The following LRP2 variants were observed in gnomAD, a reference collection of about 807,000 sequenced individuals.
LRP2 encodes LDL receptor related protein 2.
LRP2 carries 172 observed loss-of-function variants against 531.0 expected under a neutral mutation model. The ratio of observed to expected loss-of-function variants is 0.32; its 90% CI spans 0.29 to 0.37. LRP2 has a LOEUF of 0.37. Among genes scored for constraint, LRP2 ranks in the 10% least tolerant of loss-of-function variants. The pLI is 1.00. For synonymous variants in LRP2, 1,992 were observed against 2,027.6 expected (o/e 0.98, Z 0.47); for missense variants, 5,167 against 5,868.3 (o/e 0.88, Z 3.90).
chr2:169,274,911 C>G (rs1404325829), intron 14 of LRP2, 125 bp downstream of exon 14: 1 of 896,752 alleles, frequency 1.1e-6, no homozygotes, highest in East Asian at 2.6e-5. Context: ...TCTGGGTAAC[C>G]CTTCATATAC....
chr2:169,191,679 CT>C (rs1687833625), intron 48 of LRP2, among the ~76,000 whole-genome samples, 152 bp downstream of exon 48: 1 of 151,238 alleles, frequency 6.6e-6, no homozygotes, highest in African/African-American at 2.4e-5. Flanking sequence ...TTTTTTTTCC[CT>C]TTGATTTGGA....
intron 36 of LRP2, among the ~76,000 whole-genome samples, chr2:169,212,790 G>C (rs1447589553): frequency 1.3e-5 from 2 of 151,746 alleles, no homozygotes; most frequent in African/African-American, 4.8e-5. Context: ...AGGGGGGCGA[G>C]GGATAAAAGA....
At chr2:169,134,228 A>C (rs568949935) in intron 76 of LRP2, among the ~76,000 whole-genome samples, 104 of 152,236 alleles carry the variant, frequency 6.8e-4, no homozygotes, top group African/African-American at 2.4e-3. Flanking sequence ...TAGAGGCCCT[A>C]AAAATCACAA....
At chr2:169,202,428 A>G (rs770411177) in intron 43 of LRP2, among the ~76,000 whole-genome samples, 33 of 152,178 alleles carry the variant, frequency 2.2e-4, no homozygotes, top group Non-Finnish European at 8.8e-5. Context: ...GGATTTTTAC[A>G]TATTGTTTCT....
At chr2:169,324,534 CA>C (rs1048673263) in intron 1 of LRP2, among the ~76,000 whole-genome samples, 130 of 146,232 alleles carry the variant, frequency 8.9e-4, no homozygotes, top group African/African-American at 3.2e-3. Context: ...GAAAGCAATG[CA>C]AAAAAAATTT....
intron 61 of LRP2, among the ~76,000 whole-genome samples, chr2:169,167,664 T>C (rs912437865): frequency 2.6e-5 from 4 of 152,216 alleles, no homozygotes; most frequent in Admixed American, 1.3e-4. Context: ...GTGCATCCCA[T>C]GAATTTGCAT....
Position 169,244,824 on chromosome 2 carries a change from T to C in LRP2, c.3299A>G (p.Asn1100Ser), listed in dbSNP as rs1477613569. 1.2e-6 allele frequency: 2 copies of C among 1,614,240 alleles called. No homozygotes were observed. Among genetic ancestry groups the C allele is most frequent in the South Asian group, 2.2e-5 (2 of 91,084 alleles). ...GGAAGCAGGTGCGTGGGTGGGGCAG[T>C]TGTGCTCATCACTGCCATCCACACA... ...NDCVDGSDEH[N>S]CPTHAPASCL... The change falls in exon 22 of 79, where the codon AAC becomes AGC. Residue 1100 changes from asparagine to serine, a missense_variant. Transcript: ENST00000649046.
chr2:169,345,269 A>G (rs763320878), intron 1 of LRP2, among the ~76,000 whole-genome samples: 5 of 152,170 alleles, frequency 3.3e-5, no homozygotes, highest in Non-Finnish European at 7.4e-5. Context: ...GTTTGGGGAA[A>G]TTTTGTTCTT....
At chr2:169,318,608 A>G (rs867614513) in intron 3 of LRP2, among the ~76,000 whole-genome samples, 154 bp downstream of exon 3, 42 of 152,104 alleles carry the variant, frequency 2.8e-4, no homozygotes, top group African/African-American at 9.4e-4. Flanking sequence ...ATATCATCCA[A>G]CCCCTGAATG....
intron 57 of LRP2, among the ~76,000 whole-genome samples, chr2:169,172,658 G>A (rs1011473487): frequency 6.6e-6 from 1 of 152,172 alleles, no homozygotes; most frequent in East Asian, 1.9e-4. Context: ...GAAAATCAGA[G>A]AGACATTCAG....
At chr2:169,149,483 C>T (rs1558979660) in intron 68 of LRP2, among the ~76,000 whole-genome samples, 1 of 152,142 alleles carries the variant, frequency 6.6e-6, no homozygotes, top group Non-Finnish European at 1.5e-5. Flanking sequence ...TTTCTTACTT[C>T]CTATCCCTCA....
chr2:169,191,617 A>G (rs1419416588), intron 48 of LRP2, among the ~76,000 whole-genome samples: 1 of 152,058 alleles, frequency 6.6e-6, no homozygotes, highest in East Asian at 1.9e-4. Context: ...ATATTGGTAT[A>G]AAGCCAGATA....
chr2:169,240,533 T>G (rs2105382585), intron 25 of LRP2, among the ~76,000 whole-genome samples: 1 of 152,342 alleles, frequency 6.6e-6, no homozygotes, highest in Non-Finnish European at 1.5e-5. Flanking sequence ...AGAGTGAGCA[T>G]TGATTAAAGA....
chr2:169,282,678 A>C (rs1366833796), intron 10 of LRP2, among the ~76,000 whole-genome samples, 195 bp downstream of exon 10: 1 of 152,204 alleles, frequency 6.6e-6, no homozygotes, highest in Non-Finnish European at 1.5e-5. Flanking sequence ...TAGTCGACAA[A>C]TTGGTCCTTA....
Position 169,246,958 on chromosome 2 carries a change from A to G in LRP2, c.2937T>C (p.His979=). 6.2e-7 allele frequency: 1 copy of G among 1,614,202 alleles called. No homozygotes were observed. The highest frequency in any genetic ancestry group is 8.5e-7 in the Non-Finnish European group (1 of 1,180,038). The stretch of plus-strand genomic sequence containing the variant: ...AGAAGTGGCTGCAGTCACCGTTAGG[A>G]TGCGTGGGTTGATTACAGGCGTTAG... ...TGSNACNQPT[H]PNGDCSHFCF... Residue 979 remains histidine, a synonymous_variant, in exon 21 of 79, where the codon CAT becomes CAC. Coordinates refer to ENST00000649046, the MANE Select transcript of LRP2 (RefSeq NM_004525.3).
At chr2:169,357,919 A>C (rs1169494236) in intron 1 of LRP2, among the ~76,000 whole-genome samples, 2 of 152,102 alleles carry the variant, frequency 1.3e-5, no homozygotes, top group Admixed American at 1.3e-4. Context: ...AAACCCAAAG[A>C]TCTTCAGGAA....
chr2:169,149,538 C>G (rs1156338784), intron 68 of LRP2, among the ~76,000 whole-genome samples: 1 of 152,094 alleles, frequency 6.6e-6, no homozygotes, highest in African/African-American at 2.4e-5. Flanking sequence ...ATTACAAAGA[C>G]TAAAATAAGA....
chr2:169,284,840 T>C (rs1683809599), intron 9 of LRP2, among the ~76,000 whole-genome samples: 2 of 152,080 alleles, frequency 1.3e-5, no homozygotes, highest in Non-Finnish European at 2.9e-5. Flanking sequence ...ACCCCCAGAA[T>C]GTCATAACTT....
rs147295930 is a variant in LRP2, at chr2:169,320,795, C to T, written c.169G>A (p.Ala57Thr). The stretch of plus-strand genomic sequence containing the variant: ...CACTTACCGCAGCCAATTTCATCCG[C>T]GTCATCTGAACAGTCTTTGGTCCCA... Reference protein sequence around the residue: ...CDGTKDCSDDADEIGCAVVTC... With the variant: ...CDGTKDCSDDTDEIGCAVVTC... Residue 57 changes from alanine to threonine, a missense_variant, in exon 2 of 79, where the codon GCG (alanine) becomes ACG (threonine). Physicochemically the swap from Ala to Thr is moderately conservative, Grantham distance 58 (BLOSUM62 0). Transcript: ENST00000649046. The T allele has an allele frequency of 1.2e-5, 20 of 1,613,982 alleles. No homozygotes were observed. The highest frequency in any genetic ancestry group is 9.9e-5 in the South Asian group (9 of 91,092).
Sources: allele counts gnomAD v4.1 joint callset (sites outside exome capture counted in the v4.1 genomes callset), GRCh38; gene constraint gnomAD v4.1.1; transcripts MANE v1.5; gene names NCBI Gene and HGNC (gene_info 2026-07-23, HGNC 2026-07-21).